Variants in ENTREP2 observed in about 807,000 individuals in gnomAD.
ENTREP2 encodes the protein endosomal transmembrane epsin interactor 2, also known as protein ENTREP2.
chr15:29,617,062 A>G, the ENTREP2 span, among the ~76,000 whole-genome samples: 1 of 152,208 alleles, frequency 6.6e-6, no homozygotes, highest in Non-Finnish European at 1.5e-5. Context: ...GCCCTCTCAA[A>G]TTATAATAAA....
the ENTREP2 span, among the ~76,000 whole-genome samples, chr15:29,646,283 G>C: frequency 6.6e-6 from 1 of 152,154 alleles, no homozygotes; most frequent in Non-Finnish European, 1.5e-5. Flanking sequence ...TCTGCTCAAG[G>C]TCTCACAAAG....
At chr15:29,370,120 G>A in the ENTREP2 span, among the ~76,000 whole-genome samples, 1 of 152,100 alleles carries the variant, frequency 6.6e-6, no homozygotes, top group East Asian at 1.9e-4. Flanking sequence ...AAAACAAATA[G>A]CATACTGGGA....
At chr15:29,381,453 C>G in the ENTREP2 span, among the ~76,000 whole-genome samples, 1 of 71,306 alleles carries the variant, frequency 1.4e-5, no homozygotes, top group African/African-American at 9.2e-5. Flanking sequence ...GAGACTCTGT[C>G]TCAAAAAAAA....
At chr15:29,126,371 T>C in the ENTREP2 span, 1,165,762 of 1,542,788 alleles carry the variant, frequency 0.76, 445,880 homozygotes, top group Middle Eastern at 0.83. Flanking sequence ...TGGAGACACA[T>C]GGCCAGGGGG....
the ENTREP2 span, among the ~76,000 whole-genome samples, chr15:29,346,119 C>T: frequency 2.0e-5 from 3 of 152,298 alleles, no homozygotes; most frequent in Admixed American, 6.5e-5. Context: ...GCAGAAGCTG[C>T]GCTGCACAAC....
the ENTREP2 span, among the ~76,000 whole-genome samples, chr15:29,259,072 T>C: frequency 6.6e-6 from 1 of 152,180 alleles, no homozygotes; most frequent in African/African-American, 2.4e-5. Context: ...AGAGGGATAA[T>C]CTGATAAAGA....
chr15:29,433,693 G>A, the ENTREP2 span, among the ~76,000 whole-genome samples: 2 of 151,846 alleles, frequency 1.3e-5, no homozygotes, highest in Non-Finnish European at 2.9e-5. Context: ...CCCAGTAGGG[G>A]AAGCCTCCCC....
chr15:29,640,649 C>CAAACAAAACAAAACAAAACA, the ENTREP2 span, among the ~76,000 whole-genome samples: 4,607 of 149,720 alleles, frequency 0.031, 260 homozygotes, highest in African/African-American at 0.11. Context: ...GGGCCTGTCT[C>CAAACAAAACAAAACAAAACA]AAACAAAACA....
chr15:29,123,460 G>C, the ENTREP2 span: 1 of 1,551,656 alleles, frequency 6.4e-7, no homozygotes, highest in African/African-American at 1.4e-5. Flanking sequence ...GGCACAGTGT[G>C]AGTGTTCCAA....
At chr15:29,269,264 TG>T in the ENTREP2 span, 1 of 1,614,148 alleles carries the variant, frequency 6.2e-7, no homozygotes, top group East Asian at 2.2e-5. Context: ...GTGTTGCTCT[TG>T]GGTTCAAGTT....
the ENTREP2 span, among the ~76,000 whole-genome samples, chr15:29,221,448 C>T: frequency 7.9e-5 from 12 of 152,242 alleles, no homozygotes; most frequent in African/African-American, 2.9e-4. Flanking sequence ...GATCTGCCCA[C>T]CTCGGCCTCT....
At chr15:29,419,660 T>C in the ENTREP2 span, among the ~76,000 whole-genome samples, 2 of 151,996 alleles carry the variant, frequency 1.3e-5, no homozygotes, top group African/African-American at 4.8e-5. Flanking sequence ...AAAAGAAACC[T>C]AAATAAAAGG....
the ENTREP2 span, among the ~76,000 whole-genome samples, chr15:29,291,286 G>A: frequency 6.6e-6 from 1 of 152,120 alleles, no homozygotes; most frequent in African/African-American, 2.4e-5. Context: ...ATCTCATCCT[G>A]ACGATCTTCT....
the ENTREP2 span, among the ~76,000 whole-genome samples, chr15:29,160,020 C>T: frequency 2.6e-5 from 4 of 152,206 alleles, no homozygotes; most frequent in Admixed American, 6.5e-5. Flanking sequence ...CCCACGGAGA[C>T]GGGGGAGGCT....
chr15:29,630,430 G>A, the ENTREP2 span, among the ~76,000 whole-genome samples: 2 of 152,066 alleles, frequency 1.3e-5, no homozygotes, highest in Non-Finnish European at 2.9e-5. Context: ...GTTTTCAGAA[G>A]TTTTATTATA....
the ENTREP2 span, among the ~76,000 whole-genome samples, chr15:29,127,761 C>T: frequency 6.6e-6 from 1 of 152,208 alleles, no homozygotes; most frequent in African/African-American, 2.4e-5. Context: ...TCTATTTCCA[C>T]CTGCCCTGAG....
the ENTREP2 span, among the ~76,000 whole-genome samples, chr15:29,256,420 C>T: frequency 3.3e-5 from 5 of 152,188 alleles, no homozygotes; most frequent in Non-Finnish European, 7.3e-5. Context: ...ACATCTGTAT[C>T]TCCTTTCAAC....
At chr15:29,550,843 G>A in the ENTREP2 span, among the ~76,000 whole-genome samples, 1 of 152,204 alleles carries the variant, frequency 6.6e-6, no homozygotes, top group East Asian at 1.9e-4. Flanking sequence ...AAATATACCT[G>A]AAGGGACCTC....
At chr15:29,326,484 G>A in the ENTREP2 span, among the ~76,000 whole-genome samples, 1 of 151,938 alleles carries the variant, frequency 6.6e-6, no homozygotes, top group Non-Finnish European at 1.5e-5. Context: ...CCAAGAAAAC[G>A]AAATACTTAG....
Sources: allele counts gnomAD v4.1 joint callset (sites outside exome capture counted in the v4.1 genomes callset), GRCh38; gene constraint gnomAD v4.1.1; transcripts MANE v1.5; gene names NCBI Gene and HGNC (gene_info 2026-07-23, HGNC 2026-07-21).